The following ALK variants were observed in gnomAD, a reference collection of about 807,000 sequenced individuals.
The protein encoded by ALK is ALK receptor tyrosine kinase, also known as ALK tyrosine kinase receptor.
Under a neutral mutation model 163.1 loss-of-function variants are expected in ALK, and 74 were observed. The observed-to-expected ratio is 0.45, with a 90% CI of 0.38 to 0.55. The LOEUF (loss-of-function observed/expected upper bound fraction) is 0.55. ALK is among the 20% of genes least tolerant of loss of function. ALK has a pLI of 0.00. For missense variants in ALK, 2,063 were observed against 2,105.3 expected (o/e 0.98, Z 0.39); for synonymous variants, 960 against 843.2 (o/e 1.14, Z -2.40).
intron 8 of ALK, among the ~76,000 whole-genome samples, chr2:29,300,331 T>C (rs976809072): frequency 6.6e-6 from 1 of 152,012 alleles, no homozygotes; most frequent in Admixed American, 6.6e-5. Flanking sequence ...GGTGGATCAC[T>C]TGAGGTCAGA....
chr2:29,340,559 G>C (rs1025155630), intron 5 of ALK, among the ~76,000 whole-genome samples: 1 of 152,176 alleles, frequency 6.6e-6, no homozygotes, highest in Non-Finnish European at 1.5e-5. Context: ...TAGCCACCGG[G>C]TGCTGATGCC....
intron 4 of ALK, among the ~76,000 whole-genome samples, chr2:29,497,877 A>C (rs1012614591): frequency 3.3e-5 from 5 of 152,218 alleles, no homozygotes; most frequent in Non-Finnish European, 5.9e-5. Context: ...CTCCTGGTCC[A>C]AAAAGTAAAT....
intron 1 of ALK, among the ~76,000 whole-genome samples, chr2:29,756,205 A>G (rs943951171): frequency 6.6e-6 from 1 of 152,184 alleles, no homozygotes; most frequent in Non-Finnish European, 1.5e-5. Flanking sequence ...TCACTTGGCT[A>G]AATTGGTCTT....
At chr2:29,562,189 G>A (rs1013286499) in intron 3 of ALK, among the ~76,000 whole-genome samples, 1 of 152,202 alleles carries the variant, frequency 6.6e-6, no homozygotes, top group South Asian at 2.1e-4. Flanking sequence ...GCTTCTCTGT[G>A]TTGGATGAGC....
intron 23 of ALK, among the ~76,000 whole-genome samples, chr2:29,217,955 T>G (rs1490462123): frequency 6.6e-6 from 1 of 152,186 alleles, no homozygotes; most frequent in Non-Finnish European, 1.5e-5. Flanking sequence ...CTGATATTAG[T>G]CCTGTCTGTC....
intron 3 of ALK, among the ~76,000 whole-genome samples, chr2:29,574,316 G>A (rs1433699005): frequency 2.0e-5 from 3 of 152,204 alleles, no homozygotes; most frequent in Admixed American, 6.5e-5. Flanking sequence ...CCAGGACGGC[G>A]AGGGAGATCC....
intron 1 of ALK, among the ~76,000 whole-genome samples, chr2:29,750,544 T>C (rs560474046): frequency 6.6e-6 from 1 of 151,342 alleles, no homozygotes; most frequent in South Asian, 2.1e-4. Context: ...ATGCCTGTAG[T>C]CCCAGCTACT....
intron 1 of ALK, among the ~76,000 whole-genome samples, chr2:29,843,443 G>T (rs893450830): frequency 7.2e-5 from 11 of 152,102 alleles, no homozygotes; most frequent in African/African-American, 2.7e-4. Context: ...GAAGGAGGAA[G>T]AAAAGAAGAA....
At chr2:29,215,561 C>T (rs575138616) in intron 23 of ALK, among the ~76,000 whole-genome samples, 2 of 152,270 alleles carry the variant, frequency 1.3e-5, no homozygotes, top group East Asian at 3.9e-4. Context: ...CTGACTCACC[C>T]CAGGTCACAC....
chr2:29,229,165 C>T (rs563031363), intron 15 of ALK, 99 bp from the exon 16 acceptor site: 65 of 1,087,698 alleles, frequency 6.0e-5, no homozygotes, highest in South Asian at 4.6e-4. Context: ...GGAGGGCGCC[C>T]GCACCAGCTC....
At chr2:29,732,857 T>C (rs895545938) in intron 1 of ALK, among the ~76,000 whole-genome samples, 9 of 151,836 alleles carry the variant, frequency 5.9e-5, no homozygotes, top group South Asian at 2.1e-4. Flanking sequence ...TCTAGGACTG[T>C]GAACAATAAA....
At chr2:29,439,406 G>A (rs771224882) in intron 4 of ALK, among the ~76,000 whole-genome samples, 1 of 152,104 alleles carries the variant, frequency 6.6e-6, no homozygotes, top group Non-Finnish European at 1.5e-5. Context: ...AAATATAAAT[G>A]TATAAAACCA....
At chr2:29,644,592 G>C (rs1392696533) in intron 3 of ALK, among the ~76,000 whole-genome samples, 1 of 147,988 alleles carries the variant, frequency 6.8e-6, no homozygotes, top group African/African-American at 2.6e-5. Flanking sequence ...CACTCTCCAG[G>C]GAAAGCAGCA....
At chr2:29,677,646 G>A (rs1677925852) in intron 3 of ALK, among the ~76,000 whole-genome samples, 1 of 151,982 alleles carries the variant, frequency 6.6e-6, no homozygotes, top group African/African-American at 2.4e-5. Flanking sequence ...TGGTTATAGT[G>A]TATCATCCTT....
rs1344396672 is a variant in ALK at position 29,830,712 on chromosome 2, TTAAAAAAAAAAAAAAAAAAAAAA to T, written c.667+89258_667+89280del. ...AGCAAGACCCTGTCTCTAAAATAGT[TTAAAAAAAAAAAAAAAAAAAAAA>T]AAAAAAAAAAAAAAAAAACTTAGCC... On this transcript the variant is annotated intron_variant, in intron 1 of 28. Coordinates refer to ENST00000389048, the MANE Select transcript of ALK (RefSeq NM_004304.5). Among the ~76,000 whole-genome samples the T allele has an allele frequency of 5.5e-4, 35 of 63,520 alleles. 1 individual carries two copies. Among genetic ancestry groups the T allele is most frequent in the South Asian group, 2.1e-3 (3 of 1,424 alleles). The allele number at this position is 63,520 out of a possible 152,430, so 41.7% of individuals were successfully genotyped here. A position where few individuals can be genotyped will look rare whatever the true frequency, so the allele number is the denominator to read the frequency against.
At chr2:29,454,009 A>C (rs1050821819) in intron 4 of ALK, among the ~76,000 whole-genome samples, 2 of 152,174 alleles carry the variant, frequency 1.3e-5, no homozygotes, top group Admixed American at 6.5e-5. Flanking sequence ...CCCCCAAAAG[A>C]GTTCTCCAGC....
At chr2:29,210,414 G>C (rs1014710529) in intron 24 of ALK, among the ~76,000 whole-genome samples, 1 of 152,186 alleles carries the variant, frequency 6.6e-6, no homozygotes, top group African/African-American at 2.4e-5. Flanking sequence ...AGTAGATTAA[G>C]ATATTCACAA....
intron 3 of ALK, among the ~76,000 whole-genome samples, chr2:29,685,629 AGCCCTGGCCCTG>A (rs58528002): frequency 6.6e-6 from 1 of 150,810 alleles, no homozygotes; most frequent in Non-Finnish European, 1.5e-5. Flanking sequence ...GCCCCAGGTA[AGCCCTGGCCCTG>A]GCCCTGGCCC....
chr2:29,505,694 C>A (rs1558355667), intron 4 of ALK, among the ~76,000 whole-genome samples: 1 of 151,832 alleles, frequency 6.6e-6, no homozygotes, highest in African/African-American at 2.4e-5. Context: ...TGCAGGGCAG[C>A]CCAGGGCAGC....
Sources: gnomAD v4.1 joint callset for allele counts (sites outside exome capture counted in the v4.1 genomes callset) on GRCh38, gnomAD v4.1.1 for gene constraint, MANE v1.5 for transcripts, NCBI Gene and HGNC (gene_info 2026-07-23, HGNC 2026-07-21) for gene names.